ACOT11: variants seen among roughly 807,000 people sequenced by gnomAD.
ACOT11 encodes the protein acyl-CoA thioesterase 11.
In ACOT11, 69 loss-of-function variants were observed where a neutral mutation model predicts 77.5. That is an observed-to-expected ratio of 0.89 (90% CI 0.73 to 1.09). The LOEUF (loss-of-function observed/expected upper bound fraction) is 1.09, where lower values mean the gene tolerates loss of function less well. Ranked by LOEUF, ACOT11 falls within the 50% of genes least tolerant of loss-of-function variation. The pLI is 0.00. For missense variants in ACOT11, 766 were observed against 813.7 expected (o/e 0.94, Z 0.71); for synonymous variants, 279 against 313.0 (o/e 0.89, Z 1.15).
intron 9 of ACOT11, among the ~76,000 whole-genome samples, chr1:54,602,119 G>C (rs1643971568): frequency 6.6e-6 from 1 of 152,200 alleles, no homozygotes; most frequent in Admixed American, 6.5e-5. Context: ...CATTTTCCTT[G>C]TACTTGGGGC....
intron 1 of ACOT11, among the ~76,000 whole-genome samples, chr1:54,552,189 G>C (rs1445191627): frequency 6.6e-6 from 1 of 152,160 alleles, no homozygotes; most frequent in East Asian, 1.9e-4. Flanking sequence ...TGAAGGGTTT[G>C]TCTGCCACCA....
chr1:54,613,770 G>C (rs981511857), downstream of ACOT11, among the ~76,000 whole-genome samples: 6 of 152,144 alleles, frequency 3.9e-5, no homozygotes, highest in Admixed American at 2.6e-4. Flanking sequence ...TTGGGCCATT[G>C]ATTACATTTT....
In ACOT11 at chr1:54,629,548, A is replaced by G. The variant is rs982379045; in HGVS notation, c.1630-1186A>G. On this transcript the variant is annotated intron_variant, in intron 15 of 16. Coordinates refer to the ACOT11 transcript ENST00000371316. Reference sequence around the variant, plus strand: ...TGATACGCCTGCCTCAGCCTCCTAAAGGGCTGGGATTACAGGCGCGAGCCC... The same window carrying G: ...TGATACGCCTGCCTCAGCCTCCTAAGGGGCTGGGATTACAGGCGCGAGCCC... Among the ~76,000 whole-genome samples the G allele has an allele frequency of 2.3e-4, 31 of 132,800 alleles. 6 individuals are homozygous for G. The highest frequency in any genetic ancestry group is 7.4e-4 in the African/African-American group (29 of 39,044). The allele number at this position is 132,800 out of a possible 152,430, so 87.1% of individuals were successfully genotyped here.
At chr1:54,558,678 G>C (rs760969483) in intron 1 of ACOT11, among the ~76,000 whole-genome samples, 10 of 152,194 alleles carry the variant, frequency 6.6e-5, no homozygotes, top group Non-Finnish European at 1.3e-4. Context: ...CAGCTGAATA[G>C]GGGCCCAGCA....
At chr1:54,573,334 C>A in intron 1 of ACOT11, 1 of 685,034 alleles carries the variant, frequency 1.5e-6, no homozygotes, top group Non-Finnish European at 1.8e-6. Context: ...CATATATGTG[C>A]AAGTTACCTT....
intron 1 of ACOT11, among the ~76,000 whole-genome samples, chr1:54,578,577 A>G (rs1654193989): frequency 6.6e-6 from 1 of 152,250 alleles, no homozygotes; most frequent in Non-Finnish European, 1.5e-5. Context: ...GAAGATTTTC[A>G]GATTCTGCTC....
At chr1:54,633,083 A>AGCGGAAAAACAAAGTTC (rs1569819674) in intron 16 of ACOT11, among the ~76,000 whole-genome samples, 2 of 152,338 alleles carry the variant, frequency 1.3e-5, no homozygotes, top group East Asian at 3.9e-4. Flanking sequence ...AACCACTTCA[A>AGCGGAAAAACAAAGTTC]GCGGAAAAAC....
At chr1:54,568,256 G>A (rs1233779037) in intron 1 of ACOT11, among the ~76,000 whole-genome samples, 1 of 151,026 alleles carries the variant, frequency 6.6e-6, no homozygotes, top group East Asian at 1.9e-4. Context: ...GTTACATCCC[G>A]TTTTTTCTTT....
intron 15 of ACOT11, among the ~76,000 whole-genome samples, chr1:54,619,022 TGGTTGA>T (rs1343060128): frequency 2.6e-5 from 4 of 152,160 alleles, no homozygotes; most frequent in Non-Finnish European, 4.4e-5. Flanking sequence ...AGCCCTGCTT[TGGTTGA>T]TTTGGTCATT....
At chr1:54,606,520 G>C (rs1644027677) in intron 13 of ACOT11, among the ~76,000 whole-genome samples, 1 of 152,182 alleles carries the variant, frequency 6.6e-6, no homozygotes, top group African/African-American at 2.4e-5. Context: ...TCAGGTGCCT[G>C]GGCCTGGGGA....
At chr1:54,559,744 G>A (rs1204753364) in intron 1 of ACOT11, among the ~76,000 whole-genome samples, 1 of 152,154 alleles carries the variant, frequency 6.6e-6, no homozygotes, top group Non-Finnish European at 1.5e-5. Context: ...GCTTTGCAAG[G>A]CTTCTGGTAT....
chr1:54,629,704 C>T (rs1330073664), intron 15 of ACOT11, among the ~76,000 whole-genome samples: 1 of 132,742 alleles, frequency 7.5e-6, no homozygotes, highest in African/African-American at 2.6e-5. Context: ...CCCACCACAG[C>T]CTCCCAAGTA....
At chr1:54,619,273 G>C (rs568980497) in intron 15 of ACOT11, among the ~76,000 whole-genome samples, 6 of 152,308 alleles carry the variant, frequency 3.9e-5, no homozygotes, top group African/African-American at 1.4e-4. Flanking sequence ...CTTCCCAACA[G>C]CCCTGAAGGA....
chr1:54,619,463 G>T (rs1342303983), intron 15 of ACOT11, among the ~76,000 whole-genome samples: 1 of 152,164 alleles, frequency 6.6e-6, no homozygotes, highest in Non-Finnish European at 1.5e-5. Context: ...TTGCATGGTA[G>T]TCCCAGGAGA....
chr1:54,610,481 C>T (rs143979424), downstream of ACOT11: 75 of 1,501,046 alleles, frequency 5.0e-5, no homozygotes, highest in African/African-American at 8.9e-4. Context: ...ACATTCAGAC[C>T]GTCATCCCCA....
intron 15 of ACOT11, among the ~76,000 whole-genome samples, chr1:54,616,863 G>A (rs900915224): frequency 1.3e-5 from 2 of 152,142 alleles, no homozygotes; most frequent in African/African-American, 4.8e-5. Context: ...CCCCATCCCT[G>A]AGATGCTTTG....
exon 17 of ACOT11, chr1:54,637,104 A>G (rs1644335556): frequency 6.6e-6 from 1 of 152,248 alleles, no homozygotes; most frequent in Non-Finnish European, 1.5e-5. Context: ...CACAGTTAAT[A>G]AATATGTGGG....
intron 1 of ACOT11, among the ~76,000 whole-genome samples, chr1:54,562,549 A>C (rs75102660): frequency 0.48 from 25,168 of 52,040 alleles, 4,873 homozygotes; most frequent in African/African-American, 0.58. Flanking sequence ...GGGCTGACCC[A>C]CCCCCCACCT....
exon 17 of ACOT11, chr1:54,635,005 TG>T (rs1403705552): frequency 2.1e-5 from 9 of 434,738 alleles, no homozygotes; most frequent in African/African-American, 1.6e-4. Flanking sequence ...CAATAAGGGC[TG>T]GTAATAATGC....
Sources: allele counts gnomAD v4.1 joint callset (sites outside exome capture counted in the v4.1 genomes callset), GRCh38; gene constraint gnomAD v4.1.1; transcripts MANE v1.5; gene names NCBI Gene and HGNC (gene_info 2026-07-23, HGNC 2026-07-21).